SCFD2: variants seen among roughly 807,000 people sequenced by gnomAD.
The protein encoded by SCFD2 is sec1 family domain containing 2, also known as sec1 family domain-containing protein 2.
In SCFD2, 54 loss-of-function variants were observed where a neutral mutation model predicts 58.9. That is an observed-to-expected ratio of 0.92 (90% CI 0.74 to 1.15). SCFD2 has a LOEUF of 1.15. SCFD2 is among the 50% of genes most tolerant of loss of function. SCFD2 has a pLI of 0.00. For synonymous variants in SCFD2, 321 were observed against 335.9 expected (o/e 0.96, Z 0.49); for missense variants, 805 against 836.6 (o/e 0.96, Z 0.47).
chr4:53,316,974 G>C (rs181902704), intron 2 of SCFD2, among the ~76,000 whole-genome samples: 135 of 152,050 alleles, frequency 8.9e-4, no homozygotes, highest in African/African-American at 3.1e-3. Flanking sequence ...GGGAGTGGTG[G>C]TGTGCGCCTA....
chr4:53,321,486 T>G (rs1733025072), intron 2 of SCFD2, among the ~76,000 whole-genome samples: 1 of 152,122 alleles, frequency 6.6e-6, no homozygotes, highest in Non-Finnish European at 1.5e-5. Context: ...CTTAGTTTCT[T>G]CGTGGCATGC....
At chr4:53,177,391 G>T (rs374874529) in intron 4 of SCFD2, among the ~76,000 whole-genome samples, 1 of 152,136 alleles carries the variant, frequency 6.6e-6, no homozygotes, top group Non-Finnish European at 1.5e-5. Flanking sequence ...AGGAGAGAGG[G>T]CCAAGGAGTG....
At chr4:52,887,958 C>A (rs987209670) in intron 7 of SCFD2, among the ~76,000 whole-genome samples, 1 of 133,402 alleles carries the variant, frequency 7.5e-6, no homozygotes, top group South Asian at 2.3e-4. Flanking sequence ...GGCCGGACTG[C>A]GGACTGCAGT....
At chr4:53,139,478 G>A (rs6850725) in intron 5 of SCFD2, among the ~76,000 whole-genome samples, 17,786 of 132,638 alleles carry the variant, frequency 0.13, 1,472 homozygotes, top group African/African-American at 0.23. Flanking sequence ...GGTGAGGAGC[G>A]TCTCTGACCG....
At chr4:53,201,851 G>T (rs1410283595) in intron 4 of SCFD2, among the ~76,000 whole-genome samples, 1 of 151,916 alleles carries the variant, frequency 6.6e-6, no homozygotes, top group African/African-American at 2.4e-5. Context: ...TCATATCCTT[G>T]GCCCACTTTT....
chr4:53,131,896 GC>G (rs1450698104), intron 5 of SCFD2, among the ~76,000 whole-genome samples: 1 of 152,168 alleles, frequency 6.6e-6, no homozygotes, highest in Non-Finnish European at 1.5e-5. Context: ...GTCAGTAATA[GC>G]TAATCTCTTA....
chr4:53,213,149 C>T (rs1236989416), intron 4 of SCFD2, among the ~76,000 whole-genome samples: 1 of 152,006 alleles, frequency 6.6e-6, no homozygotes, highest in African/African-American at 2.4e-5. Flanking sequence ...AAAAGCACTA[C>T]CTTTTTGCAA....
intron 4 of SCFD2, among the ~76,000 whole-genome samples, chr4:53,205,331 G>A (rs1288659008): frequency 6.6e-6 from 1 of 151,972 alleles, no homozygotes; most frequent in Non-Finnish European, 1.5e-5. Flanking sequence ...TCAAATAAAG[G>A]AAGTAAACCA....
intron 2 of SCFD2, among the ~76,000 whole-genome samples, chr4:53,328,088 T>G (rs1044132315): frequency 1.3e-5 from 2 of 151,506 alleles, no homozygotes; most frequent in African/African-American, 4.9e-5. Flanking sequence ...TGAGCCGAGA[T>G]AGTGCCACTG....
intron 5 of SCFD2, among the ~76,000 whole-genome samples, chr4:53,050,749 T>G (rs1723167394): frequency 6.6e-6 from 1 of 152,188 alleles, no homozygotes; most frequent in Non-Finnish European, 1.5e-5. Context: ...ACCTCAAATG[T>G]TTTATTTCGA....
chr4:53,139,663 A>C (rs1577767457), intron 5 of SCFD2, among the ~76,000 whole-genome samples: 1 of 149,210 alleles, frequency 6.7e-6, no homozygotes, highest in Admixed American at 6.6e-5. Flanking sequence ...CCATCTGGGA[A>C]GTGAGGAGCC....
intron 7 of SCFD2, among the ~76,000 whole-genome samples, chr4:52,902,420 A>T (rs1719226350): frequency 6.6e-6 from 1 of 152,230 alleles, no homozygotes; most frequent in Admixed American, 6.5e-5. Flanking sequence ...TGACAAGAGC[A>T]AATCAGTAGT....
Position 53,236,415 on chromosome 4 carries a change from ATATT to A in SCFD2, c.1311+37407_1311+37410del, listed in dbSNP as rs563047969. ...AAGTGTGTGTGTATATATATATGATATATTTATTAGGATATATATATCACACATA... is the reference window on the plus strand; with the variant it reads ...AAGTGTGTGTGTATATATATATGATATATTAGGATATATATATCACACATA... On this transcript the variant is annotated intron_variant, in intron 4 of 8. Coordinates refer to ENST00000401642, the MANE Select transcript of SCFD2 (RefSeq NM_152540.4). 4.8e-3 allele frequency among the ~76,000 whole-genome samples: 720 copies of A among 150,534 alleles called. 3 individuals are homozygous for A. Among genetic ancestry groups the A allele is most frequent in the African/African-American group, 0.016 (671 of 41,112 alleles).
chr4:52,976,476 T>G (rs1321488730), intron 5 of SCFD2, among the ~76,000 whole-genome samples: 2 of 152,104 alleles, frequency 1.3e-5, no homozygotes, highest in African/African-American at 2.4e-5. Context: ...AAATCAGAAA[T>G]CTACCTCACA....
intron 4 of SCFD2, among the ~76,000 whole-genome samples, chr4:53,226,135 G>A (rs950826967): frequency 3.3e-5 from 5 of 151,910 alleles, no homozygotes; most frequent in African/African-American, 1.2e-4. Flanking sequence ...TTTTAATATA[G>A]CAATAATCAC....
At chr4:53,249,959 T>G (rs1345732725) in intron 4 of SCFD2, among the ~76,000 whole-genome samples, 1 of 152,116 alleles carries the variant, frequency 6.6e-6, no homozygotes, top group Non-Finnish European at 1.5e-5. Context: ...AATGTCAACT[T>G]TAAATGTAAA....
chr4:52,990,109 T>G (rs539233962), intron 5 of SCFD2, among the ~76,000 whole-genome samples: 2 of 152,346 alleles, frequency 1.3e-5, no homozygotes, highest in Admixed American at 1.3e-4. Context: ...AACATGCTCA[T>G]TTACTATCTT....
chr4:53,022,795 A>C (rs143472912), intron 5 of SCFD2, among the ~76,000 whole-genome samples: 2 of 152,218 alleles, frequency 1.3e-5, no homozygotes, highest in Non-Finnish European at 2.9e-5. Context: ...CTTAATGTTA[A>C]GTAACAATAA....
At chr4:53,209,326 T>G (rs1192805735) in intron 4 of SCFD2, among the ~76,000 whole-genome samples, 1 of 152,140 alleles carries the variant, frequency 6.6e-6, no homozygotes, top group African/African-American at 2.4e-5. Context: ...AAGCTTCTCC[T>G]TTGAGTAACA....
Sources: allele counts gnomAD v4.1 joint callset (sites outside exome capture counted in the v4.1 genomes callset), GRCh38; gene constraint gnomAD v4.1.1; transcripts MANE v1.5; gene names NCBI Gene and HGNC (gene_info 2026-07-23, HGNC 2026-07-21).